The following NCALD variants were observed in gnomAD, a reference collection of about 807,000 sequenced individuals.
NCALD encodes neurocalcin-delta.
NCALD carries 10 observed loss-of-function variants against 18.6 expected under a neutral mutation model. That is an observed-to-expected ratio of 0.54 (90% CI 0.33 to 0.91). The LOEUF is 0.91. Ranked by LOEUF, NCALD falls within the 40% of genes least tolerant of loss-of-function variation. The probability of loss-of-function intolerance (pLI) is 0.03; values close to 1 mark genes in which losing one functional copy is unlikely to be tolerated. For missense variants in NCALD, 184 were observed against 247.6 expected (o/e 0.74, Z 1.72); for synonymous variants, 88 against 87.4 (o/e 1.01, Z -0.04).
chr8:101,846,425 G>A (rs1357793293), intron 4 of NCALD, among the ~76,000 whole-genome samples: 4 of 152,184 alleles, frequency 2.6e-5, no homozygotes, highest in Admixed American at 6.5e-5. Context: ...ATAGTTTTGA[G>A]AGGAAGGAGC....
At chr8:102,072,785 A>C (rs1026215657) in intron 1 of NCALD, among the ~76,000 whole-genome samples, 1 of 152,216 alleles carries the variant, frequency 6.6e-6, no homozygotes, top group African/African-American at 2.4e-5. Context: ...CAGAGAAACA[A>C]GCATTAACCA....
intron 1 of NCALD, among the ~76,000 whole-genome samples, chr8:101,737,755 C>T (rs983195846): frequency 6.6e-6 from 1 of 152,184 alleles, no homozygotes; most frequent in African/African-American, 2.4e-5. Context: ...CTTTCCTCTC[C>T]CCAGGGAGCA....
chr8:101,812,058 C>T (rs186371113), intron 4 of NCALD, among the ~76,000 whole-genome samples: 1 of 152,280 alleles, frequency 6.6e-6, no homozygotes, highest in Non-Finnish European at 1.5e-5. Context: ...TCCTGGGAAC[C>T]TGTCCTGTTA....
chr8:101,709,541 AT>A (rs1815689853), intron 2 of NCALD, among the ~76,000 whole-genome samples: 2 of 152,232 alleles, frequency 1.3e-5, no homozygotes, highest in Admixed American at 1.3e-4. Flanking sequence ...GGCAAATGTA[AT>A]TCCATTTTCT....
chr8:101,939,847 C>G (rs1818892979), intron 2 of NCALD, among the ~76,000 whole-genome samples: 2 of 152,158 alleles, frequency 1.3e-5, no homozygotes, highest in African/African-American at 4.8e-5. Context: ...GAGGCCACTA[C>G]TATTAAGAGA....
At chr8:101,956,981 C>T (rs903266219) in intron 2 of NCALD, among the ~76,000 whole-genome samples, 1 of 152,054 alleles carries the variant, frequency 6.6e-6, no homozygotes, top group East Asian at 1.9e-4. Flanking sequence ...AATGTTAATC[C>T]CCCCTCCCAA....
intron 1 of NCALD, among the ~76,000 whole-genome samples, 152 bp downstream of exon 1, chr8:101,790,710 C>T (rs1291651202): frequency 6.6e-6 from 1 of 152,138 alleles, no homozygotes; most frequent in Non-Finnish European, 1.5e-5. Context: ...AGAGAACCTG[C>T]CTGAAATTCA....
At chr8:101,800,839 GT>G (rs1354578011) in intron 4 of NCALD, among the ~76,000 whole-genome samples, 1 of 133,894 alleles carries the variant, frequency 7.5e-6, no homozygotes, top group Non-Finnish European at 1.6e-5. Flanking sequence ...GAGAGGAGAG[GT>G]GGGGAGGGGA....
chr8:102,107,239 T>TATATATAC (rs1316267759), intron 1 of NCALD, among the ~76,000 whole-genome samples: 1 of 110,466 alleles, frequency 9.1e-6, no homozygotes, highest in East Asian at 2.5e-4. Flanking sequence ...TATATATATA[T>TATATATAC]ACACATAGAA....
Position 101,891,756 on chromosome 8 carries a change from G to C in NCALD, c.-106-4529C>G, listed in dbSNP as rs367927238. ...CAAGTCAAAGAAAGGGGTGATGGAC[G>C]TACCTGGAAAATCAGGTCACTCCCA... On this transcript the variant is annotated intron_variant, in intron 3 of 6. Transcript: ENST00000311028. Among the ~76,000 whole-genome samples, 45 of 152,168 alleles carry C rather than the reference G, an allele frequency of 3.0e-4. 1 individual carries two copies. Among genetic ancestry groups the C allele is most frequent in the Admixed American group, 2.6e-3 (39 of 15,288 alleles).
intron 3 of NCALD, among the ~76,000 whole-genome samples, chr8:101,890,400 C>T (rs1043005436): frequency 6.6e-6 from 1 of 152,146 alleles, no homozygotes; most frequent in African/African-American, 2.4e-5. Flanking sequence ...GCAAATCACT[C>T]CTATGTATAT....
chr8:102,081,545 TAAAAAAAAAAAAAAAAAAA>T (rs770307937), intron 1 of NCALD, among the ~76,000 whole-genome samples: 1 of 68,704 alleles, frequency 1.5e-5, no homozygotes, highest in Admixed American at 1.5e-4. Flanking sequence ...CAAATAATGG[TAAAAAAAAAAAAAAAAAAA>T]AAAAAAAAAA....
intron 2 of NCALD, among the ~76,000 whole-genome samples, chr8:101,924,015 C>T (rs998449758): frequency 6.6e-6 from 1 of 152,100 alleles, no homozygotes; most frequent in Non-Finnish European, 1.5e-5. Flanking sequence ...CCAACAATCC[C>T]ATCATCCAGG....
chr8:101,774,220 G>A (rs960778661), intron 1 of NCALD, among the ~76,000 whole-genome samples: 1 of 152,160 alleles, frequency 6.6e-6, no homozygotes, highest in Non-Finnish European at 1.5e-5. Flanking sequence ...TGAATCAAAA[G>A]AATACAATAT....
At chr8:101,927,550 G>A (rs1818382810) in intron 2 of NCALD, among the ~76,000 whole-genome samples, 1 of 152,148 alleles carries the variant, frequency 6.6e-6, no homozygotes, top group Non-Finnish European at 1.5e-5. Flanking sequence ...TAAGCAGAGG[G>A]AACAGCCCGT....
At chr8:101,854,379 G>A (rs1468995392) in intron 4 of NCALD, among the ~76,000 whole-genome samples, 1 of 152,140 alleles carries the variant, frequency 6.6e-6, no homozygotes, top group Non-Finnish European at 1.5e-5. Flanking sequence ...TGCAACCTAA[G>A]ACAGCAAACA....
chr8:101,798,615 T>G (rs963900025), intron 4 of NCALD, among the ~76,000 whole-genome samples: 104 of 152,208 alleles, frequency 6.8e-4, no homozygotes, highest in Non-Finnish European at 1.3e-3. Context: ...ACAATTCTAA[T>G]CAAAATCTCA....
intron 1 of NCALD, among the ~76,000 whole-genome samples, chr8:101,752,166 AATAT>A (rs1014919838): frequency 6.6e-6 from 1 of 152,136 alleles, no homozygotes; most frequent in Non-Finnish European, 1.5e-5. Flanking sequence ...TAAACAGTAA[AATAT>A]ATATAATTCA....
At chr8:101,911,361 CTTTTTT>C (rs56017823) in intron 3 of NCALD, among the ~76,000 whole-genome samples, 3 of 137,706 alleles carry the variant, frequency 2.2e-5, no homozygotes, top group Admixed American at 1.5e-4. Flanking sequence ...TTTTTCTTTT[CTTTTTT>C]TTTTTTTTGA....
Sources: allele counts gnomAD v4.1 joint callset (sites outside exome capture counted in the v4.1 genomes callset), GRCh38; gene constraint gnomAD v4.1.1; transcripts MANE v1.5; gene names NCBI Gene and HGNC (gene_info 2026-07-23, HGNC 2026-07-21).